Variants in PDE4D observed in about 807,000 individuals in gnomAD.
The protein encoded by PDE4D is phosphodiesterase 4D.
A neutral mutation model predicts 87.4 loss-of-function variants in PDE4D; 24 were observed. The observed-to-expected ratio is 0.27, with a 90% CI of 0.20 to 0.39. The LOEUF (loss-of-function observed/expected upper bound fraction) is 0.39. Ranked by LOEUF, PDE4D falls within the 10% of genes least tolerant of loss-of-function variation. PDE4D has a pLI of 1.00. For missense variants in PDE4D, 714 were observed against 1,041.0 expected (o/e 0.69, Z 4.32); for synonymous variants, 384 against 383.2 (o/e 1.00, Z -0.02).
At chr5:59,707,569 T>C (rs1308859908) in intron 1 of PDE4D, among the ~76,000 whole-genome samples, 1 of 152,118 alleles carries the variant, frequency 6.6e-6, no homozygotes. Flanking sequence ...GTTACATAGG[T>C]AGATGTGTGC....
intron 1 of PDE4D, among the ~76,000 whole-genome samples, chr5:59,315,744 T>C (rs1773587909): frequency 6.6e-6 from 1 of 152,144 alleles, no homozygotes; most frequent in Admixed American, 6.6e-5. Context: ...ATGACCTTCC[T>C]CTGGGGGCAC....
At chr5:59,053,023 C>G (rs1239264236) in intron 5 of PDE4D, among the ~76,000 whole-genome samples, 1 of 151,956 alleles carries the variant, frequency 6.6e-6, no homozygotes, top group Non-Finnish European at 1.5e-5. Context: ...GGTATCACTA[C>G]TACTAGAGGT....
chr5:59,621,581 C>T (rs1830362811), intron 1 of PDE4D, among the ~76,000 whole-genome samples: 1 of 152,182 alleles, frequency 6.6e-6, no homozygotes, highest in Admixed American at 6.5e-5. Flanking sequence ...TAGTTTCTCA[C>T]TGATTAAATC....
chr5:59,290,094 C>A (rs1474943200), intron 1 of PDE4D, among the ~76,000 whole-genome samples: 1 of 151,782 alleles, frequency 6.6e-6, no homozygotes, highest in East Asian at 1.9e-4. Flanking sequence ...TTCATACTAC[C>A]CAAAGCAATC....
intron 1 of PDE4D, among the ~76,000 whole-genome samples, chr5:59,747,172 C>T (rs1759733066): frequency 6.6e-6 from 1 of 152,176 alleles, no homozygotes; most frequent in Non-Finnish European, 1.5e-5. Flanking sequence ...TTAAGCGTCT[C>T]TCCCTACCTT....
chr5:59,524,986 G>A (rs1208307274), intron 1 of PDE4D, among the ~76,000 whole-genome samples: 4 of 152,320 alleles, frequency 2.6e-5, no homozygotes, highest in South Asian at 2.1e-4. Flanking sequence ...CTGCAGGGAC[G>A]GGGCCCTCGT....
chr5:59,910,920 A>T (rs1163878336), intron 3 of PDE4D, among the ~76,000 whole-genome samples: 1 of 152,236 alleles, frequency 6.6e-6, no homozygotes, highest in East Asian at 1.9e-4. Context: ...GGATTATCAT[A>T]GGAGTAAAAC....
chr5:59,836,754 A>G (rs999392901), intron 1 of PDE4D, among the ~76,000 whole-genome samples: 1 of 152,072 alleles, frequency 6.6e-6, no homozygotes, highest in Non-Finnish European at 1.5e-5. Flanking sequence ...AAAAGGAGAT[A>G]GAGATAGAGG....
At chr5:59,004,737 G>C (rs1751247426) in intron 6 of PDE4D, among the ~76,000 whole-genome samples, 1 of 152,210 alleles carries the variant, frequency 6.6e-6, no homozygotes, top group Non-Finnish European at 1.5e-5. Context: ...GGGACTTTTT[G>C]GAAGTTGTGT....
chr5:59,919,355 A>G (rs1754419607), intron 3 of PDE4D, among the ~76,000 whole-genome samples: 1 of 152,188 alleles, frequency 6.6e-6, no homozygotes, highest in Non-Finnish European at 1.5e-5. Flanking sequence ...CTCCAACTAC[A>G]GTCATTCTTA....
intron 1 of PDE4D, among the ~76,000 whole-genome samples, chr5:59,624,768 C>T (rs1207001972): frequency 6.6e-6 from 1 of 152,170 alleles, no homozygotes; most frequent in Non-Finnish European, 1.5e-5. Context: ...TAAGCCTTTG[C>T]AGTATGATTT....
intron 1 of PDE4D, among the ~76,000 whole-genome samples, chr5:59,476,330 T>A (rs1190720068): frequency 1.3e-5 from 2 of 152,078 alleles, no homozygotes; most frequent in African/African-American, 4.8e-5. Flanking sequence ...AGGATGGAGA[T>A]TACATAGATG....
chr5:59,340,279 T>G (rs1037959829), intron 1 of PDE4D, among the ~76,000 whole-genome samples: 2 of 152,226 alleles, frequency 1.3e-5, no homozygotes, highest in African/African-American at 2.4e-5. Flanking sequence ...ATCAACGCTG[T>G]TCAGTAGAAA....
chr5:59,513,387 T>A (rs568993384), intron 1 of PDE4D, among the ~76,000 whole-genome samples: 37 of 152,274 alleles, frequency 2.4e-4, no homozygotes, highest in Admixed American at 9.8e-4. Context: ...AGGTTTTCAA[T>A]CTCCTAAAAA....
chr5:59,214,990 T>C (rs969903518), intron 2 of PDE4D, among the ~76,000 whole-genome samples: 4 of 152,142 alleles, frequency 2.6e-5, no homozygotes, highest in East Asian at 3.8e-4. Flanking sequence ...GACAAATGTA[T>C]AGACCAAGAG....
chr5:59,893,673 G>C lies in PDE4D; in HGVS notation c.-51C>G. On this transcript the variant is annotated 5_prime_UTR_variant, in exon 1 of 15. Transcript: ENST00000340635. ...TGCCCAGCCCGGGTTCACCGCGCTG[G>C]CCCGAGCGCCTTCCTGATGCTGCTG... The C allele has an allele frequency of 7.1e-7, 1 of 1,406,334 alleles. No homozygotes were observed. The highest frequency in any genetic ancestry group is 9.2e-7 in the Non-Finnish European group (1 of 1,091,280). 87.1% of individuals were successfully genotyped at this position (1,406,334 alleles called of 1,614,324 possible).
chr5:59,217,786 T>C (rs944231192), intron 1 of PDE4D, among the ~76,000 whole-genome samples: 1 of 152,176 alleles, frequency 6.6e-6, no homozygotes, highest in Non-Finnish European at 1.5e-5. Context: ...GGGACATCTG[T>C]TTCACCAGAA....
chr5:60,340,330 G>A (rs1758200548), intron 1 of PDE4D, among the ~76,000 whole-genome samples: 1 of 151,712 alleles, frequency 6.6e-6, no homozygotes, highest in African/African-American at 2.4e-5. Flanking sequence ...ACTAGGCTGA[G>A]GAAGAAAAGG....
chr5:59,428,315 TTTTTATC>T (rs1205724297), intron 1 of PDE4D, among the ~76,000 whole-genome samples: 1 of 152,176 alleles, frequency 6.6e-6, no homozygotes, highest in African/African-American at 2.4e-5. Flanking sequence ...AAGCCAATTT[TTTTTATC>T]TTTTATTTTT....
Sources: gnomAD v4.1 joint callset for allele counts (sites outside exome capture counted in the v4.1 genomes callset) on GRCh38, gnomAD v4.1.1 for gene constraint, MANE v1.5 for transcripts, NCBI Gene and HGNC (gene_info 2026-07-23, HGNC 2026-07-21) for gene names.